Variants in CTNNA3 observed in about 807,000 individuals in gnomAD.
CTNNA3 encodes the protein catenin alpha-3.
A neutral mutation model predicts 95.7 loss-of-function variants in CTNNA3; 76 were observed. That is an observed-to-expected ratio of 0.79 (90% CI 0.66 to 0.96). The LOEUF (loss-of-function observed/expected upper bound fraction) is 0.96, where lower values mean the gene tolerates loss of function less well. Among genes scored for constraint, CTNNA3 ranks in the 40% least tolerant of loss-of-function variants. The pLI is 0.00. For synonymous variants in CTNNA3, 431 were observed against 374.4 expected (o/e 1.15, Z -1.74); for missense variants, 1,191 against 1,089.8 (o/e 1.09, Z -1.31).
intron 17 of CTNNA3, among the ~76,000 whole-genome samples, chr10:65,932,641 GA>G (rs1384587138): frequency 6.6e-6 from 1 of 152,030 alleles, no homozygotes; most frequent in Non-Finnish European, 1.5e-5. Flanking sequence ...ACTTTTTTGA[GA>G]AAAGGAAATA....
At chr10:67,411,690 T>C (rs1021111457) in intron 5 of CTNNA3, among the ~76,000 whole-genome samples, 2 of 152,128 alleles carry the variant, frequency 1.3e-5, no homozygotes, top group African/African-American at 2.4e-5. Context: ...TAAAAAATGA[T>C]ACTCTGGCAA....
intron 7 of CTNNA3, among the ~76,000 whole-genome samples, chr10:67,038,019 G>A (rs1304304580): frequency 1.3e-5 from 2 of 152,050 alleles, no homozygotes; most frequent in Admixed American, 6.5e-5. Context: ...CATAGGAGAC[G>A]AGAGATTTTA....
At chr10:67,560,593 A>C (rs560421234) in intron 3 of CTNNA3, among the ~76,000 whole-genome samples, 6 of 152,326 alleles carry the variant, frequency 3.9e-5, no homozygotes, top group Admixed American at 2.0e-4. Context: ...CGAGGAAAAT[A>C]GGCAGCTAAC....
At chr10:65,951,118 T>A (rs1486900666) in intron 17 of CTNNA3, among the ~76,000 whole-genome samples, 1 of 152,246 alleles carries the variant, frequency 6.6e-6, no homozygotes, top group Non-Finnish European at 1.5e-5. Flanking sequence ...GGAGCTGATC[T>A]CATTCTCACT....
chr10:67,673,135 G>C (rs933187506), intron 1 of CTNNA3, among the ~76,000 whole-genome samples: 1 of 151,862 alleles, frequency 6.6e-6, no homozygotes, highest in African/African-American at 2.4e-5. Flanking sequence ...GTGAATGGTA[G>C]TTCACTCATG....
intron 5 of CTNNA3, among the ~76,000 whole-genome samples, chr10:67,437,173 G>A (rs187850319): frequency 1.2e-4 from 19 of 152,248 alleles, no homozygotes; most frequent in Admixed American, 9.8e-4. Context: ...CATTTGCAGC[G>A]ACCTGGATGA....
chr10:67,727,693 A>T lies in CTNNA3; in HGVS notation c.-2+35741T>A, dbSNP rs1031627051. 2.0e-4 allele frequency among the ~76,000 whole-genome samples: 26 copies of T among 128,212 alleles called. No individual in the cohort carries two copies. In the Admixed American group the frequency reaches 2.3e-3, roughly 11 times the overall value. The allele number at this position is 128,212 out of a possible 152,430, so 84.1% of individuals were successfully genotyped here. ...TATAATATATAAATATATAATATAT[A>T]ATAGATCATAGATAATATATATAAA... On this transcript the variant is annotated intron_variant, in intron 1 of 17. Coordinates refer to the CTNNA3 transcript ENST00000684154.
intron 7 of CTNNA3, among the ~76,000 whole-genome samples, chr10:66,887,531 T>A (rs1834522566): frequency 1.3e-5 from 2 of 151,608 alleles, no homozygotes; most frequent in South Asian, 2.1e-4. Flanking sequence ...AAAAAAAAAA[T>A]GTGTCCAAAA....
In CTNNA3 at chr10:67,510,626, A is replaced by G. The variant is rs2133127853; in HGVS notation, c.579+11216T>C. On this transcript the variant is annotated intron_variant, in intron 5 of 17. Coordinates refer to ENST00000433211, the MANE Select transcript of CTNNA3 (RefSeq NM_013266.4). ...GTAGTATAGTTTGAAGTCAGGTAGC[A>G]TGATGCTTCCAGTTTTGTTCTTTTT... is the stretch of plus-strand genomic sequence containing the variant. Among the ~76,000 whole-genome samples the G allele has an allele frequency of 1.3e-5, 2 of 152,260 alleles. 1 individual carries two copies. Among genetic ancestry groups the G allele is most frequent in the East Asian group, 3.9e-4 (2 of 5,180 alleles).
chr10:66,362,019 G>T (rs531007670), intron 12 of CTNNA3, among the ~76,000 whole-genome samples: 2 of 151,300 alleles, frequency 1.3e-5, no homozygotes, highest in East Asian at 3.9e-4. Context: ...GACATATGCA[G>T]CTTTAACTAA....
At chr10:67,445,636 G>A (rs953995644) in intron 5 of CTNNA3, among the ~76,000 whole-genome samples, 5 of 152,084 alleles carry the variant, frequency 3.3e-5, no homozygotes, top group African/African-American at 1.2e-4. Flanking sequence ...CATGCTTTTT[G>A]GGAGACATAT....
At chr10:66,655,830 T>A (rs1459117850) in intron 9 of CTNNA3, among the ~76,000 whole-genome samples, 2 of 152,020 alleles carry the variant, frequency 1.3e-5, no homozygotes, top group Non-Finnish European at 1.5e-5. Context: ...GTACACAATT[T>A]TAGGAGCAGT....
At chr10:65,981,475 T>G (rs2078318260) in intron 16 of CTNNA3, among the ~76,000 whole-genome samples, 1 of 151,910 alleles carries the variant, frequency 6.6e-6, no homozygotes, top group Admixed American at 6.6e-5. Flanking sequence ...ACCATCATTG[T>G]TTACAGAGTT....
At chr10:66,224,619 A>G (rs1190474781) in intron 13 of CTNNA3, among the ~76,000 whole-genome samples, 1 of 152,140 alleles carries the variant, frequency 6.6e-6, no homozygotes, top group Non-Finnish European at 1.5e-5. Flanking sequence ...GTCTAATGTA[A>G]TTGAGAAGAT....
intron 1 of CTNNA3, among the ~76,000 whole-genome samples, chr10:67,702,356 A>C (rs1841046412): frequency 1.3e-5 from 2 of 152,200 alleles, no homozygotes; most frequent in Non-Finnish European, 2.9e-5. Context: ...CCTATTCAAA[A>C]ATTGACCACA....
chr10:67,135,878 T>C (rs975118244), intron 7 of CTNNA3, among the ~76,000 whole-genome samples: 9 of 152,206 alleles, frequency 5.9e-5, no homozygotes, highest in Admixed American at 3.9e-4. Context: ...TGTTTCTACT[T>C]TACTATGTAT....
intron 1 of CTNNA3, among the ~76,000 whole-genome samples, chr10:67,753,450 C>G (rs1400429390): frequency 2.6e-5 from 4 of 151,966 alleles, no homozygotes; most frequent in Non-Finnish European, 5.9e-5. Flanking sequence ...GCAACAAAAG[C>G]AAAAATTGAC....
At chr10:66,405,537 A>C (rs1196150431) in intron 11 of CTNNA3, among the ~76,000 whole-genome samples, 1 of 152,112 alleles carries the variant, frequency 6.6e-6, no homozygotes, top group Non-Finnish European at 1.5e-5. Flanking sequence ...ATTTGCATTC[A>C]TTTATATCCA....
rs1324909678 is a variant in CTNNA3 at position 67,580,634 on chromosome 10, T to C, written c.292+26223A>G. Among the ~76,000 whole-genome samples the C allele has an allele frequency of 5.7e-4, 86 of 150,908 alleles. 1 individual carries two copies. The highest frequency in any genetic ancestry group is 5.6e-3 in the Admixed American group (85 of 15,196). On this transcript the variant is annotated intron_variant, in intron 3 of 17. Transcript: ENST00000433211. Reference sequence around the variant, plus strand: ...CTTGATGGGGATGGCATTGAATCTATAAATTACCTTGGGCAGTATGGCCAT... The same window carrying C: ...CTTGATGGGGATGGCATTGAATCTACAAATTACCTTGGGCAGTATGGCCAT...
Sources: allele counts gnomAD v4.1 joint callset (sites outside exome capture counted in the v4.1 genomes callset), GRCh38; gene constraint gnomAD v4.1.1; transcripts MANE v1.5; gene names NCBI Gene and HGNC (gene_info 2026-07-23, HGNC 2026-07-21).